The following ZNF710 variants were observed in gnomAD, a reference collection of about 807,000 sequenced individuals.
ZNF710 encodes the protein zinc finger protein 710.
Under a neutral mutation model 50.6 loss-of-function variants are expected in ZNF710, and 13 were observed. That is an observed-to-expected ratio of 0.26 (90% CI 0.17 to 0.41). The LOEUF (loss-of-function observed/expected upper bound fraction) is 0.41. Among genes scored for constraint, ZNF710 ranks in the 10% least tolerant of loss-of-function variants. The pLI, the probability that ZNF710 is intolerant of heterozygous loss-of-function variation, is 1.00. For missense variants in ZNF710, 721 were observed against 936.6 expected (o/e 0.77, Z 3.01); for synonymous variants, 383 against 397.0 (o/e 0.96, Z 0.42).
chr15:90,038,740 T>TGTGTGTGTGTGTGTGTGA (rs150950322), intron 1 of ZNF710, among the ~76,000 whole-genome samples: 4,130 of 148,452 alleles, frequency 0.028, 176 homozygotes, highest in African/African-American at 0.089. Context: ...TGTGTGTGTG[T>TGTGTGTGTGTGTGTGTGA]GAGACATTGG....
chr15:90,051,532 C>T (rs2151507886), intron 1 of ZNF710, among the ~76,000 whole-genome samples: 1 of 152,006 alleles, frequency 6.6e-6, no homozygotes, highest in Middle Eastern at 3.4e-3. Flanking sequence ...ATTTGGGAGG[C>T]TGAGGCAGGA....
At chr15:90,016,621 T>C (rs1567221350) in intron 1 of ZNF710, among the ~76,000 whole-genome samples, 1 of 152,164 alleles carries the variant, frequency 6.6e-6, no homozygotes, top group African/African-American at 2.4e-5. Flanking sequence ...TTTAAATTTT[T>C]TGTAGAGGTG....
rs1596257446 is a variant in ZNF710 at position 90,001,535 on chromosome 15, G to T, written c.-108G>T. On this transcript the variant is annotated 5_prime_UTR_variant, in exon 1 of 5. Transcript: ENST00000268154. ...GCGGGCGCACAGCAGCAGCCCGGGC[G>T]GTGGGCAGCCAGGAGCCCCCGGCCC... 1 of 147,522 alleles carries T rather than the reference G, an allele frequency of 6.8e-6. No homozygotes were observed. The highest frequency in any genetic ancestry group is 1.9e-4 in the South Asian group (1 of 5,298). 9.1% of individuals were successfully genotyped at this position (147,522 alleles called of 1,614,324 possible). A position where few individuals can be genotyped will look rare whatever the true frequency, so the allele number is the denominator to read the frequency against.
At chr15:90,044,888 A>G (rs1357335018) in intron 1 of ZNF710, among the ~76,000 whole-genome samples, 3 of 152,148 alleles carry the variant, frequency 2.0e-5, no homozygotes, top group African/African-American at 7.2e-5. Flanking sequence ...TCTGAGGAGT[A>G]AAGGTGGCCC....
rs8025397 is a variant in ZNF710 at position 90,062,921 on chromosome 15, A to G, written c.-28-4189A>G. On this transcript the variant is annotated intron_variant, in intron 1 of 4. Transcript: ENST00000268154. The surrounding 1 kb of genome is among the most constrained non-coding windows in gnomAD (Gnocchi z 5.6). ...CACGGGGCCTGCCCCCATAAGCCTCACAAAGAGAGCATTACAGGGTGGTGT... is the reference window on the plus strand; with the variant it reads ...CACGGGGCCTGCCCCCATAAGCCTCGCAAAGAGAGCATTACAGGGTGGTGT... Among the ~76,000 whole-genome samples the G allele has an allele frequency of 0.47, 71,484 of 152,046 alleles. 19,384 individuals carry two copies. The highest frequency in any genetic ancestry group is 0.74 in the East Asian group (3,788 of 5,144).
At position 90,040,823 on chromosome 15, in the gene ZNF710, A is replaced by C. The variant is rs189025824; in HGVS notation, c.-28-26287A>C. Among the ~76,000 whole-genome samples, 1 of 152,110 alleles carries C rather than the reference A, an allele frequency of 6.6e-6. No individual in the cohort carries two copies. Among genetic ancestry groups the C allele is most frequent in the Non-Finnish European group, 1.5e-5 (1 of 68,024 alleles). On this transcript the variant is annotated intron_variant, in intron 1 of 4. Coordinates refer to ENST00000268154, the MANE Select transcript of ZNF710 (RefSeq NM_198526.4). This position sits in a 1 kb window ranked among gnomAD's most constrained non-coding sequence, Gnocchi z 4.6. ...TGTTACTCCAGTGATTTCTTGATTTATCAATTTCGGACATTATCTTTTGCC... is the reference window on the plus strand; with the variant it reads ...TGTTACTCCAGTGATTTCTTGATTTCTCAATTTCGGACATTATCTTTTGCC...
chr15:90,008,317 A>G (rs1898188287), intron 1 of ZNF710, among the ~76,000 whole-genome samples: 1 of 150,478 alleles, frequency 6.6e-6, no homozygotes, highest in Non-Finnish European at 1.5e-5. Flanking sequence ...TTTATCCAGT[A>G]TGTATTATCT....
chr15:90,031,029 A>AAAAAC lies in ZNF710; in HGVS notation c.-29+29419_-29+29420insCAAAA, dbSNP rs1442502924. Among the ~76,000 whole-genome samples, 4 of 146,030 alleles carry AAAAAC rather than the reference A, an allele frequency of 2.7e-5. 2 individuals are homozygous for AAAAAC. The highest frequency in any genetic ancestry group is 1.0e-4 in the African/African-American group (4 of 40,064). Reference sequence around the variant, plus strand: ...GCGAGACTCCGTCTCAAAAAAAAAGAAAAAAAAAAAAATGCTTAATGGATT... The same window carrying AAAAAC: ...GCGAGACTCCGTCTCAAAAAAAAAGAAAAACAAAAAAAAAAAATGCTTAATGGATT... On this transcript the variant is annotated intron_variant, in intron 1 of 4. Coordinates refer to ENST00000268154, the MANE Select transcript of ZNF710 (RefSeq NM_198526.4).
Position 90,079,999 on chromosome 15 carries a change from CTG to C in ZNF710, c.*172_*173del. On this transcript the variant is annotated 3_prime_UTR_variant, in exon 5 of 5. Coordinates refer to ENST00000268154, the MANE Select transcript of ZNF710 (RefSeq NM_198526.4). ...TAGGGACCTTTAGACCAAATGGAGA[CTG>C]TACTACTGGCCCCGGCTGTGAGCCA... 1.7e-6 allele frequency: 1 copy of C among 595,448 alleles called. No individual in the cohort carries two copies. The highest frequency in any genetic ancestry group is 2.7e-6 in the Non-Finnish European group (1 of 368,996). The allele number at this position is 595,448 out of a possible 1,614,324, so 36.9% of individuals were successfully genotyped here.
chr15:90,030,990 G>A (rs1468674083), intron 1 of ZNF710, among the ~76,000 whole-genome samples: 1 of 145,044 alleles, frequency 6.9e-6, no homozygotes, highest in East Asian at 2.0e-4. Flanking sequence ...CTGCACTCCA[G>A]CCTGGGCGAC....
At position 90,077,111 on chromosome 15, in the gene ZNF710, G is replaced by A. The variant is rs114962868; in HGVS notation, c.1826-2549G>A. 6.4e-3 allele frequency among the ~76,000 whole-genome samples: 969 copies of A among 152,228 alleles called. 6 individuals carry two copies. Among genetic ancestry groups the A allele is most frequent in the African/African-American group, 0.022 (914 of 41,530 alleles). On this transcript the variant is annotated intron_variant, in intron 4 of 4. Transcript: ENST00000268154. Reference sequence around the variant, plus strand: ...TAACTATGGGGCTGTCATTTGGGGAGGTGGATCAATGTCCTTATAAAAAAT... The same window carrying A: ...TAACTATGGGGCTGTCATTTGGGGAAGTGGATCAATGTCCTTATAAAAAAT...
chr15:90,060,712 C>A (rs949694858), intron 1 of ZNF710, among the ~76,000 whole-genome samples: 1 of 151,960 alleles, frequency 6.6e-6, no homozygotes, highest in Non-Finnish European at 1.5e-5. Context: ...AAAAATTAGC[C>A]GAGCATGGTG....
At chr15:90,075,573 A>T (rs1281934548) in intron 4 of ZNF710, 1 of 152,162 alleles carries the variant, frequency 6.6e-6, no homozygotes. Context: ...CCAGCTGGGA[A>T]CATGCTTTGG....
rs1273138183 is a variant in ZNF710, at chr15:90,074,240, G to A, written c.1775G>A (p.Arg592Gln). Residue 592 changes from arginine (R) to glutamine (Q), a missense_variant, in exon 4 of 5, where the codon CGG becomes CAG. Coordinates refer to ENST00000268154, the MANE Select transcript of ZNF710 (RefSeq NM_198526.4). Reference protein sequence around the residue: ...SKFNLKGNLSRHMKVKHGVMD... With the variant: ...SKFNLKGNLSQHMKVKHGVMD... The stretch of plus-strand genomic sequence containing the variant: ...TTTAATCTCAAGGGCAACCTGAGCC[G>A]GCACATGAAGGTCAAGCATGGCGTC... 3.1e-6 allele frequency: 5 copies of A among 1,613,370 alleles called. No homozygotes were observed. Among genetic ancestry groups the A allele is most frequent in the African/African-American group, 1.3e-5 (1 of 74,886 alleles).
At chr15:90,042,196 C>G (rs189283959) in intron 1 of ZNF710, among the ~76,000 whole-genome samples, 98 of 152,242 alleles carry the variant, frequency 6.4e-4, no homozygotes, top group African/African-American at 2.3e-3. Flanking sequence ...CGTGCCCGGC[C>G]CCTGTGCCTC....
At chr15:90,022,129 G>A (rs1178564043) in intron 1 of ZNF710, among the ~76,000 whole-genome samples, 1 of 151,942 alleles carries the variant, frequency 6.6e-6, no homozygotes, top group African/African-American at 2.4e-5. Context: ...TGTAATCCCA[G>A]AACTTTGGGT....
intron 1 of ZNF710, among the ~76,000 whole-genome samples, chr15:90,007,254 G>A (rs1375125914): frequency 1.3e-5 from 2 of 152,102 alleles, no homozygotes; most frequent in Non-Finnish European, 2.9e-5. Flanking sequence ...TGCCAAAAGC[G>A]GAACCTAAAA....
chr15:90,064,368 G>C (rs955147893), intron 1 of ZNF710, among the ~76,000 whole-genome samples: 2 of 152,222 alleles, frequency 1.3e-5, no homozygotes, highest in African/African-American at 4.8e-5. Flanking sequence ...GTTCTCTAGT[G>C]GTTGTCCTCA....
At position 90,059,347 on chromosome 15, in the gene ZNF710, T is replaced by TG. The variant is rs1189889651; in HGVS notation, c.-28-7758dup. On this transcript the variant is annotated intron_variant, in intron 1 of 4. Coordinates refer to ENST00000268154, the MANE Select transcript of ZNF710 (RefSeq NM_198526.4). This position sits in a 1 kb window ranked among gnomAD's most constrained non-coding sequence, Gnocchi z 4.1. The stretch of plus-strand genomic sequence containing the variant: ...GTGCATCCCGCCTACCAAAAGGCTG[T>TG]GGGGGCTGCGGGGCCGGAGACCTGC... 6.6e-6 allele frequency among the ~76,000 whole-genome samples: 1 copy of TG among 152,232 alleles called. No individual in the cohort carries two copies. Among genetic ancestry groups the TG allele is most frequent in the Non-Finnish European group, 1.5e-5 (1 of 68,042 alleles).
Sources: gnomAD v4.1 joint callset for allele counts (sites outside exome capture counted in the v4.1 genomes callset) on GRCh38, gnomAD v4.1.1 for gene constraint, Gnocchi (gnomAD v3.1) non-coding constraint, MANE v1.5 for transcripts, NCBI Gene and HGNC (gene_info 2026-07-23, HGNC 2026-07-21) for gene names.